Variants in MAP3K20 observed in about 807,000 individuals in gnomAD.
MAP3K20 encodes the protein mitogen-activated protein kinase kinase kinase 20.
MAP3K20 carries 40 observed loss-of-function variants against 85.7 expected under a neutral mutation model. The observed-to-expected ratio is 0.47, with a 90% CI of 0.36 to 0.61. The LOEUF is 0.61. MAP3K20 is among the 20% of genes least tolerant of loss of function. MAP3K20 has a pLI of 0.00. For synonymous variants in MAP3K20, 325 were observed against 327.7 expected (o/e 0.99, Z 0.09); for missense variants, 817 against 961.7 (o/e 0.85, Z 1.99).
chr2:173,209,940 C>A, intron 10 of MAP3K20, 105 bp downstream of exon 10: 1 of 1,037,812 alleles, frequency 9.6e-7, no homozygotes, highest in Non-Finnish European at 1.5e-6. Flanking sequence ...TGATTTCTGA[C>A]CATAGCTTAG....
In MAP3K20 at chr2:173,075,881, C is replaced by T; in HGVS notation, c.-156C>T. 1.0e-6 allele frequency: 1 copy of T among 985,232 alleles called. No individual in the cohort carries two copies. Among genetic ancestry groups the T allele is most frequent in the Non-Finnish European group, 1.2e-6 (1 of 829,894 alleles). The allele number at this position is 985,232 out of a possible 1,614,324, so 61.0% of individuals were successfully genotyped here. A position where few individuals can be genotyped will look rare whatever the true frequency, so the allele number is the denominator to read the frequency against. ...CCGTGCAGAGAGGCGGAATGTTCAA[C>T]TCCTAACTGCAGCGGAAACGTGGGA... is the stretch of plus-strand genomic sequence containing the variant. On this transcript the variant is annotated 5_prime_UTR_variant, in exon 1 of 20. Coordinates refer to ENST00000375213, the MANE Select transcript of MAP3K20 (RefSeq NM_016653.3).
rs766428990 is a variant in MAP3K20 at position 173,091,205 on chromosome 2, A to T, written c.159+15A>T. ...TAGAGAAAGAGGTAAGGTCTTTTCCAGCTGACAGAAACAGTCACGATACCA... is the reference window on the plus strand; with the variant it reads ...TAGAGAAAGAGGTAAGGTCTTTTCCTGCTGACAGAAACAGTCACGATACCA... On this transcript the variant is annotated intron_variant, in intron 2 of 19. Coordinates refer to ENST00000375213, the MANE Select transcript of MAP3K20 (RefSeq NM_016653.3). 5.6e-6 allele frequency: 9 copies of T among 1,606,210 alleles called. No homozygotes were observed. In the South Asian group the frequency reaches 7.8e-5, roughly 14 times the overall value.
At chr2:173,130,062 A>G (rs1220716305) in intron 2 of MAP3K20, among the ~76,000 whole-genome samples, 1 of 152,234 alleles carries the variant, frequency 6.6e-6, no homozygotes, top group East Asian at 1.9e-4. Context: ...TTATGCGTCA[A>G]AATGTGCTTA....
intron 2 of MAP3K20, among the ~76,000 whole-genome samples, chr2:173,111,716 T>G (rs538759636): frequency 6.6e-6 from 1 of 152,174 alleles, no homozygotes; most frequent in African/African-American, 2.4e-5. Flanking sequence ...TTTGCTTTGT[T>G]GACGATCAGT....
chr2:173,233,242 A>AG (rs1024447426), intron 14 of MAP3K20, among the ~76,000 whole-genome samples: 19 of 152,348 alleles, frequency 1.2e-4, no homozygotes, highest in Admixed American at 1.2e-3. Flanking sequence ...GCATGGCCAA[A>AG]GGGAAACCTA....
chr2:173,171,410 G>A (rs905864814), intron 3 of MAP3K20, among the ~76,000 whole-genome samples: 13 of 152,188 alleles, frequency 8.5e-5, no homozygotes, highest in African/African-American at 3.1e-4. Context: ...TACTCTTGAT[G>A]TTTAATGCTT....
chr2:173,206,640 C>T lies in MAP3K20; in HGVS notation c.744+2770C>T, dbSNP rs553079938. Among the ~76,000 whole-genome samples, 18 of 152,302 alleles carry T rather than the reference C, an allele frequency of 1.2e-4. No homozygotes were observed. In the South Asian group the frequency reaches 3.7e-3, roughly 32 times the overall value. Reference sequence around the variant, plus strand: ...ATCCCACCCCAGGCTTAGCACTTTTCCTAAACCACAGTCTGGGCCTTACCT... The same window carrying T: ...ATCCCACCCCAGGCTTAGCACTTTTTCTAAACCACAGTCTGGGCCTTACCT... On this transcript the variant is annotated intron_variant, in intron 9 of 19. Transcript: ENST00000375213.
rs536578573 is a variant in MAP3K20, at chr2:173,104,605, A to T, written c.159+13415A>T. 5.3e-5 allele frequency among the ~76,000 whole-genome samples: 8 copies of T among 152,344 alleles called. No individual in the cohort carries two copies. The South Asian group carries it at 1.7e-3, about 32-fold the overall frequency. On this transcript the variant is annotated intron_variant, in intron 2 of 19. Coordinates refer to ENST00000375213, the MANE Select transcript of MAP3K20 (RefSeq NM_016653.3). ...CAATGTTGGCTTCTTAGCTTTGACA[A>T]ATATACCCTGGTGATGCAGCATGTT...
At chr2:173,222,507 A>G (rs1326449234) in intron 11 of MAP3K20, 2 of 985,824 alleles carry the variant, frequency 2.0e-6, no homozygotes, top group South Asian at 9.4e-5. Flanking sequence ...ACAAAGAGAA[A>G]GAGGTGGTCT....
intron 11 of MAP3K20, chr2:173,225,445 T>C: frequency 2.8e-6 from 1 of 358,184 alleles, no homozygotes; most frequent in Non-Finnish European, 3.9e-6. Context: ...AATACAAAAA[T>C]TGGCTGGGTG....
Position 173,266,608 on chromosome 2 carries a change from CAA to C in MAP3K20, c.2262_2263del (p.Arg755SerfsTer3), listed in dbSNP as rs1419590258. 3.1e-6 allele frequency: 5 copies of C among 1,613,698 alleles called. No homozygotes were observed. The highest frequency in any genetic ancestry group is 4.2e-6 in the Non-Finnish European group (5 of 1,179,974). ...ATGCCTTTGCACCCTGAGACTGACT[CAA>C]GAGCCAGTGAAGAGGACAGCAAAGT... is the stretch of plus-strand genomic sequence containing the variant. On this transcript the variant is annotated frameshift_variant, in exon 20 of 20. Coordinates refer to ENST00000375213, the MANE Select transcript of MAP3K20 (RefSeq NM_016653.3). LOFTEE classifies it low-confidence loss of function (END_TRUNC).
chr2:173,100,323 G>A (rs1479981107), intron 2 of MAP3K20, among the ~76,000 whole-genome samples: 1 of 152,154 alleles, frequency 6.6e-6, no homozygotes, highest in Non-Finnish European at 1.5e-5. Flanking sequence ...ATTATAATCT[G>A]CATTTGATGG....
chr2:173,117,021 G>A (rs1051117167), intron 2 of MAP3K20, among the ~76,000 whole-genome samples: 1 of 152,182 alleles, frequency 6.6e-6, no homozygotes, highest in African/African-American at 2.4e-5. Flanking sequence ...ATTGGTGAAG[G>A]CAAGGCTTAT....
chr2:173,142,064 A>T (rs1688990395), intron 2 of MAP3K20, among the ~76,000 whole-genome samples: 1 of 152,254 alleles, frequency 6.6e-6, no homozygotes. Context: ...TATGGTTAAT[A>T]TTAGGGTAAA....
At chr2:173,115,416 T>G (rs565123148) in intron 2 of MAP3K20, among the ~76,000 whole-genome samples, 7 of 152,284 alleles carry the variant, frequency 4.6e-5, no homozygotes, top group Non-Finnish European at 7.3e-5. Flanking sequence ...TTCAGGTAAA[T>G]AAGGGATTTC....
intron 2 of MAP3K20, among the ~76,000 whole-genome samples, chr2:173,120,643 G>A (rs1442266329): frequency 6.6e-6 from 1 of 151,224 alleles, no homozygotes; most frequent in Non-Finnish European, 1.5e-5. Context: ...GTACTGTGGT[G>A]GGGATCATTA....
intron 16 of MAP3K20, among the ~76,000 whole-genome samples, chr2:173,257,015 T>C (rs933641369): frequency 6.6e-6 from 1 of 151,694 alleles, no homozygotes; most frequent in Non-Finnish European, 1.5e-5. Flanking sequence ...TAAGAAAATA[T>C]TAGCTGAGCA....
intron 16 of MAP3K20, among the ~76,000 whole-genome samples, chr2:173,240,165 TCAGA>T (rs1489270560): frequency 6.6e-6 from 1 of 152,204 alleles, no homozygotes; most frequent in Non-Finnish European, 1.5e-5. Context: ...AAACTGAGGC[TCAGA>T]CAGGTTAAAT....
Position 173,209,683 on chromosome 2 carries a change from C to A in MAP3K20, c.745-46C>A, listed in dbSNP as rs993013085. ...TATCTACGTTTTCTCTTAAATATCT[C>A]CTTTCTTAAGTCCCAGCGAATGATT... On this transcript the variant is annotated intron_variant, in intron 9 of 19. Transcript: ENST00000375213. 4 of 1,520,938 alleles carry A rather than the reference C, an allele frequency of 2.6e-6. No individual in the cohort carries two copies. In the African/African-American group the frequency reaches 5.5e-5, roughly 21 times the overall value. The allele number at this position is 1,520,938 out of a possible 1,614,324, so 94.2% of individuals were successfully genotyped here. A position where few individuals can be genotyped will look rare whatever the true frequency, so the allele number is the denominator to read the frequency against.
Sources: gnomAD v4.1 joint callset for allele counts (sites outside exome capture counted in the v4.1 genomes callset) on GRCh38, gnomAD v4.1.1 for gene constraint, MANE v1.5 for transcripts, NCBI Gene and HGNC (gene_info 2026-07-23, HGNC 2026-07-21) for gene names.